STXBP5L: variants seen among roughly 807,000 people sequenced by gnomAD.
STXBP5L encodes the protein syntaxin-binding protein 5-like.
A neutral mutation model predicts 144.5 loss-of-function variants in STXBP5L; 65 were observed. The observed-to-expected ratio is 0.45, with a 90% CI of 0.37 to 0.55. The LOEUF is 0.55. Ranked by LOEUF, STXBP5L falls within the 20% of genes least tolerant of loss-of-function variation. The pLI is 0.00. For missense variants in STXBP5L, 1,298 were observed against 1,405.5 expected, an observed-to-expected ratio of 0.92 and a Z score of 1.22; for synonymous variants, 505 against 469.6, an observed-to-expected ratio of 1.08 and a Z score of -0.97.
intron 22 of STXBP5L, among the ~76,000 whole-genome samples, chr3:121,394,744 AC>A (rs2046684928): frequency 1.3e-5 from 2 of 151,580 alleles, no homozygotes; most frequent in Admixed American, 1.3e-4. Context: ...AGCTGGGACT[AC>A]AGGCGCCCGC....
intron 9 of STXBP5L, among the ~76,000 whole-genome samples, chr3:121,183,011 T>C (rs2047221740): frequency 6.6e-6 from 1 of 152,136 alleles, no homozygotes; most frequent in African/African-American, 2.4e-5. Context: ...TTAACATACA[T>C]GGGTGAATAC....
intron 20 of STXBP5L, among the ~76,000 whole-genome samples, chr3:121,327,743 T>C (rs949082915): frequency 6.6e-6 from 1 of 152,200 alleles, no homozygotes; most frequent in Non-Finnish European, 1.5e-5. Flanking sequence ...TTTGATTTGG[T>C]TTCTATTTTC....
At chr3:121,200,022 C>T (rs1331285966) in intron 9 of STXBP5L, among the ~76,000 whole-genome samples, 1 of 152,052 alleles carries the variant, frequency 6.6e-6, no homozygotes, top group African/African-American at 2.4e-5. Flanking sequence ...AGGAGTGCCT[C>T]TTTTTCTTTT....
chr3:120,925,649 T>C (rs999363960), intron 2 of STXBP5L, among the ~76,000 whole-genome samples: 2 of 152,212 alleles, frequency 1.3e-5, no homozygotes, highest in Non-Finnish European at 2.9e-5. Flanking sequence ...AAGATAATTA[T>C]TGATAAGTAA....
intron 16 of STXBP5L, 22 bp downstream of exon 16, chr3:121,255,134 T>A (rs960825668): frequency 2.6e-6 from 4 of 1,537,376 alleles, no homozygotes; most frequent in Non-Finnish European, 3.5e-6. Flanking sequence ...AAAATTTAAC[T>A]TTCACTTTTA....
Position 121,378,921 on chromosome 3 carries a change from T to C in STXBP5L, c.2347+35T>C. On this transcript the variant is annotated intron_variant, in intron 21 of 26. Transcript: ENST00000471454. ...ACATATTAAATTTTTTTGTTACAGT[T>C]AAAATTTGGTTTACAATGGTAATGG... is the stretch of plus-strand genomic sequence containing the variant. 2.5e-6 allele frequency: 4 copies of C among 1,589,368 alleles called. No individual in the cohort carries two copies. In the South Asian group the frequency reaches 3.4e-5, roughly 14 times the overall value.
intron 8 of STXBP5L, among the ~76,000 whole-genome samples, chr3:121,155,344 T>C (rs2046076556): frequency 6.6e-6 from 1 of 151,878 alleles, no homozygotes; most frequent in South Asian, 2.1e-4. Context: ...ATGAACTGCC[T>C]TCTTTCCTCT....
At chr3:120,989,620 G>A (rs1051789696) in intron 3 of STXBP5L, among the ~76,000 whole-genome samples, 4 of 152,036 alleles carry the variant, frequency 2.6e-5, no homozygotes, top group African/African-American at 4.8e-5. Context: ...GTAAATTGGG[G>A]ACTATAACTC....
At chr3:121,159,602 T>C (rs2046241504) in intron 9 of STXBP5L, among the ~76,000 whole-genome samples, 1 of 151,730 alleles carries the variant, frequency 6.6e-6, no homozygotes. Context: ...GCATTCTAAG[T>C]GTGCTTGGGA....
chr3:121,140,122 A>C (rs2045434421), intron 7 of STXBP5L, among the ~76,000 whole-genome samples: 1 of 147,626 alleles, frequency 6.8e-6, no homozygotes, highest in Non-Finnish European at 1.5e-5. Context: ...TTTTCAAAAG[A>C]AGACATATTA....
chr3:121,001,131 G>A (rs1451887581), intron 3 of STXBP5L, among the ~76,000 whole-genome samples: 1 of 152,244 alleles, frequency 6.6e-6, no homozygotes, highest in African/African-American at 2.4e-5. Context: ...GTGGCAGGTG[G>A]CAGCAGCATG....
At chr3:121,306,011 A>T (rs957781428) in intron 19 of STXBP5L, among the ~76,000 whole-genome samples, 1 of 152,200 alleles carries the variant, frequency 6.6e-6, no homozygotes, top group African/African-American at 2.4e-5. Context: ...AACTTTAAAA[A>T]AATACCATGT....
chr3:121,109,073 C>A (rs1326955169), intron 5 of STXBP5L, among the ~76,000 whole-genome samples: 1 of 152,082 alleles, frequency 6.6e-6, no homozygotes, highest in Non-Finnish European at 1.5e-5. Flanking sequence ...GTTTGCATTT[C>A]TGTGGGGTCA....
chr3:120,938,310 C>A (rs975246004), intron 2 of STXBP5L, among the ~76,000 whole-genome samples: 1 of 152,100 alleles, frequency 6.6e-6, no homozygotes, highest in African/African-American at 2.4e-5. Flanking sequence ...TATTAAGCAT[C>A]CTGGCTTATT....
intron 5 of STXBP5L, among the ~76,000 whole-genome samples, chr3:121,074,887 T>C (rs1316687806): frequency 5.9e-5 from 9 of 152,206 alleles, no homozygotes; most frequent in Non-Finnish European, 1.2e-4. Context: ...CAATCACACA[T>C]CTTGTAGATT....
chr3:121,045,055 T>G (rs1289041665), intron 4 of STXBP5L, among the ~76,000 whole-genome samples: 1 of 152,148 alleles, frequency 6.6e-6, no homozygotes, highest in East Asian at 1.9e-4. Flanking sequence ...TAAGACTGCA[T>G]TGAATATTTT....
At chr3:121,024,394 A>G (rs922842557) in intron 3 of STXBP5L, among the ~76,000 whole-genome samples, 1 of 152,154 alleles carries the variant, frequency 6.6e-6, no homozygotes, top group African/African-American at 2.4e-5. Flanking sequence ...TCCTACCACT[A>G]AGGTAAAATC....
chr3:121,129,103 G>A (rs948667836), intron 7 of STXBP5L, among the ~76,000 whole-genome samples: 6 of 151,964 alleles, frequency 3.9e-5, no homozygotes, highest in African/African-American at 1.2e-4. Flanking sequence ...GTTGATAGAC[G>A]GAGTTTTGGC....
intron 9 of STXBP5L, among the ~76,000 whole-genome samples, chr3:121,162,617 A>C (rs149941776): frequency 0.036 from 5,415 of 152,356 alleles, 147 homozygotes; most frequent in Middle Eastern, 0.082. Flanking sequence ...AGAAACTGCC[A>C]TCAGAGTGAA....
Sources: gnomAD v4.1 joint callset for allele counts (sites outside exome capture counted in the v4.1 genomes callset) on GRCh38, gnomAD v4.1.1 for gene constraint, MANE v1.5 for transcripts, NCBI Gene and HGNC (gene_info 2026-07-23, HGNC 2026-07-21) for gene names.